The following DOCK1 variants were observed in gnomAD, a reference collection of about 807,000 sequenced individuals.
DOCK1 encodes dedicator of cytokinesis protein 1.
In DOCK1, 138 loss-of-function variants were observed where a neutral mutation model predicts 262.7. The observed-to-expected ratio is 0.53, with a 90% CI of 0.46 to 0.61. The LOEUF (loss-of-function observed/expected upper bound fraction) is 0.61. Ranked by LOEUF, DOCK1 falls within the 20% of genes least tolerant of loss-of-function variation. DOCK1 has a pLI of 0.00. For missense variants in DOCK1, 1,908 were observed against 2,370.7 expected (o/e 0.80, Z 4.05); for synonymous variants, 866 against 867.4 (o/e 1.00, Z 0.03).
At chr10:127,403,547 C>T (rs2067344041) in intron 39 of DOCK1, among the ~76,000 whole-genome samples, 1 of 152,162 alleles carries the variant, frequency 6.6e-6, no homozygotes, top group Admixed American at 6.5e-5. Context: ...ATCACGAGGT[C>T]AGGAGATCAA....
At chr10:126,970,050 T>C (rs531151297) in intron 1 of DOCK1, among the ~76,000 whole-genome samples, 16 of 152,312 alleles carry the variant, frequency 1.1e-4, no homozygotes, top group African/African-American at 3.6e-4. Flanking sequence ...TTAAACACTT[T>C]GTAGCATCCT....
chr10:127,059,362 G>A (rs1564770735), intron 22 of DOCK1, among the ~76,000 whole-genome samples: 1 of 151,984 alleles, frequency 6.6e-6, no homozygotes, highest in Non-Finnish European at 1.5e-5. Context: ...TGGAAGATTT[G>A]TGGCCATTGT....
chr10:127,415,272 G>A (rs752602741), intron 44 of DOCK1, 34 bp downstream of exon 44: 30 of 1,594,922 alleles, frequency 1.9e-5, no homozygotes, highest in Middle Eastern at 1.7e-4. Flanking sequence ...GGAATTGTCC[G>A]TTCCCTTCCT....
chr10:127,146,913 G>C (rs750952086), intron 27 of DOCK1, among the ~76,000 whole-genome samples: 2 of 152,162 alleles, frequency 1.3e-5, no homozygotes, highest in Non-Finnish European at 2.9e-5. Flanking sequence ...TCTGCCGGCT[G>C]TCTTGATCGT....
At chr10:126,998,732 T>A (rs78820798) in intron 8 of DOCK1, 1 of 158,778 alleles carries the variant, frequency 6.3e-6, no homozygotes, top group African/African-American at 2.4e-5. Flanking sequence ...AGTTAATATT[T>A]GTTAAATGAA....
chr10:127,390,778 CATTT>C (rs61282902), intron 38 of DOCK1, among the ~76,000 whole-genome samples: 8,477 of 152,260 alleles, frequency 0.056, 329 homozygotes, highest in Middle Eastern at 0.092. Context: ...GTGTCTCATT[CATTT>C]GTTTGTATAG....
intron 27 of DOCK1, among the ~76,000 whole-genome samples, chr10:127,149,522 G>T (rs2052271205): frequency 6.6e-6 from 1 of 152,202 alleles, no homozygotes. Context: ...GCCCCAGGCA[G>T]CCGGGTCTTG....
chr10:126,997,911 G>T (rs2040324967), intron 7 of DOCK1, 181 bp from the exon 8 acceptor site: 1 of 725,208 alleles, frequency 1.4e-6, no homozygotes, highest in East Asian at 2.8e-5. Context: ...ACAATTTTTT[G>T]TCTGTTGTGT....
chr10:127,215,128 G>T (rs79369193), intron 27 of DOCK1, among the ~76,000 whole-genome samples: 3 of 151,926 alleles, frequency 2.0e-5, no homozygotes, highest in Admixed American at 6.6e-5. Flanking sequence ...TTCCTGCCTC[G>T]CTATCAGCCT....
At chr10:127,385,436 A>G (rs185740355) in intron 38 of DOCK1, among the ~76,000 whole-genome samples, 1 of 136,482 alleles carries the variant, frequency 7.3e-6, no homozygotes, top group African/African-American at 2.8e-5. Flanking sequence ...TATTTAAAAA[A>G]AAAAGCTGTT....
intron 47 of DOCK1, among the ~76,000 whole-genome samples, chr10:127,429,158 G>A (rs944058976): frequency 3.3e-5 from 5 of 152,058 alleles, no homozygotes; most frequent in Admixed American, 6.6e-5. Flanking sequence ...AGGCAGCACC[G>A]TCTCCATCAA....
chr10:127,126,499 G>A (rs1374500512), intron 26 of DOCK1, among the ~76,000 whole-genome samples: 1 of 152,162 alleles, frequency 6.6e-6, no homozygotes, highest in African/African-American at 2.4e-5. Flanking sequence ...GGGAAGCCAA[G>A]GCAGGAGGAT....
intron 27 of DOCK1, chr10:127,195,973 G>A (rs1300800399): frequency 6.6e-6 from 1 of 152,086 alleles, no homozygotes; most frequent in African/African-American, 2.4e-5. Flanking sequence ...GGCGCGGGAG[G>A]AGGGCACGCG....
intron 1 of DOCK1, among the ~76,000 whole-genome samples, chr10:126,949,246 C>T (rs1285183283): frequency 2.0e-5 from 3 of 152,092 alleles, no homozygotes; most frequent in African/African-American, 7.2e-5. Flanking sequence ...CTCCTGCTCT[C>T]CTGCAGCCCT....
chr10:127,262,058 T>C (rs866266365), intron 29 of DOCK1, among the ~76,000 whole-genome samples: 115 of 113,702 alleles, frequency 1.0e-3, no homozygotes, highest in African/African-American at 3.8e-3. Context: ...ACCTGTGCTC[T>C]TCTGTGTGTG....
chr10:127,008,665 T>G (rs2041206683), intron 10 of DOCK1, 67 bp from the exon 11 acceptor site: 3 of 1,317,876 alleles, frequency 2.3e-6, no homozygotes. Context: ...GATGTTCCTT[T>G]GTTTGTTTGT....
chr10:127,004,820 C>T (rs945944432), intron 10 of DOCK1, among the ~76,000 whole-genome samples: 2 of 148,682 alleles, frequency 1.3e-5, no homozygotes, highest in Non-Finnish European at 3.0e-5. Context: ...AGCCCCACTC[C>T]TGTCCAGGTA....
intron 1 of DOCK1, among the ~76,000 whole-genome samples, chr10:126,949,538 G>C (rs1003922688): frequency 5.2e-4 from 79 of 152,190 alleles, no homozygotes; most frequent in Non-Finnish European, 9.7e-4. Flanking sequence ...TACATCCCCT[G>C]CTTAATTTCA....
intron 27 of DOCK1, among the ~76,000 whole-genome samples, chr10:127,192,214 G>A (rs1376741343): frequency 6.6e-6 from 1 of 152,176 alleles, no homozygotes; most frequent in Non-Finnish European, 1.5e-5. Context: ...GTCTATGGAT[G>A]TGCAATACTT....
Sources: allele counts gnomAD v4.1 joint callset (sites outside exome capture counted in the v4.1 genomes callset), GRCh38; gene constraint gnomAD v4.1.1; transcripts MANE v1.5; gene names NCBI Gene and HGNC (gene_info 2026-07-23, HGNC 2026-07-21).